DNAH8: variants seen among roughly 807,000 people sequenced by gnomAD.
The protein encoded by DNAH8 is axonemal beta dynein heavy chain 8.
DNAH8 carries 382 observed loss-of-function variants against 562.1 expected under a neutral mutation model. The observed-to-expected ratio is 0.68, with a 90% CI of 0.63 to 0.74. DNAH8 has a LOEUF of 0.74. Ranked by LOEUF, DNAH8 falls within the 30% of genes least tolerant of loss-of-function variation. DNAH8 has a pLI of 0.00. For missense variants in DNAH8, 5,203 were observed against 5,620.4 expected, an observed-to-expected ratio of 0.93 and a Z score of 2.37; for synonymous variants, 1,881 against 1,919.4, an observed-to-expected ratio of 0.98 and a Z score of 0.52.
intron 62 of DNAH8, among the ~76,000 whole-genome samples, chr6:38,901,345 C>T (rs1187134024): frequency 6.6e-6 from 1 of 151,916 alleles, no homozygotes; most frequent in South Asian, 2.1e-4. Context: ...TATAACTGAC[C>T]TAGAATTCAT....
chr6:38,814,583 A>AG (rs1772080514), intron 25 of DNAH8, among the ~76,000 whole-genome samples: 2 of 152,040 alleles, frequency 1.3e-5, no homozygotes, highest in East Asian at 3.9e-4. Flanking sequence ...TCTGTCAAAA[A>AG]AAAAAAAGTT....
chr6:38,937,208 G>C (rs1285033796), intron 77 of DNAH8, among the ~76,000 whole-genome samples: 1 of 128,326 alleles, frequency 7.8e-6, no homozygotes, highest in South Asian at 2.7e-4. Context: ...CTGTCGGTGG[G>C]TAGGGGTCTG....
chr6:38,828,793 T>C (rs2150348415), intron 30 of DNAH8, among the ~76,000 whole-genome samples: 1 of 152,342 alleles, frequency 6.6e-6, no homozygotes, highest in Admixed American at 6.5e-5. Flanking sequence ...TGTTTTTTAG[T>C]ATATTCACAT....
At chr6:38,869,166 C>T (rs144429935) in intron 48 of DNAH8, among the ~76,000 whole-genome samples, 11 of 152,246 alleles carry the variant, frequency 7.2e-5, no homozygotes, top group African/African-American at 2.6e-4. Flanking sequence ...TCAGGTGTAT[C>T]GTCTTATTTG....
chr6:38,729,974 G>GT lies in DNAH8; in HGVS notation c.599dup (p.Pro201ThrfsTer4). On this transcript the variant is annotated frameshift_variant, in exon 4 of 93. Coordinates refer to ENST00000327475, the MANE Select transcript of DNAH8 (RefSeq NM_001206927.2). LOFTEE classifies it high-confidence loss of function. ...GAAATTTTTGTACCAAGAAGGAGAT[G>GT]TACCTGGTATTGGTAAGAATTTTCT... 1 of 1,575,580 alleles carries GT rather than the reference G, an allele frequency of 6.3e-7. No homozygotes were observed. Among genetic ancestry groups the GT allele is most frequent in the East Asian group, 2.2e-5 (1 of 44,598 alleles).
intron 85 of DNAH8, 42 bp downstream of exon 85, chr6:38,974,571 T>C (rs1278084226): frequency 1.9e-6 from 3 of 1,572,058 alleles, no homozygotes; most frequent in Admixed American, 3.5e-5. Flanking sequence ...AGATGGCCAG[T>C]GGTGTGCTGA....
At chr6:38,980,942 A>G (rs1763993009) in intron 85 of DNAH8, among the ~76,000 whole-genome samples, 1 of 150,966 alleles carries the variant, frequency 6.6e-6, no homozygotes, top group African/African-American at 2.4e-5. Context: ...ATTTATTTAG[A>G]TTTTTTTTTA....
chr6:38,893,627 C>A (rs1779486000), intron 58 of DNAH8, among the ~76,000 whole-genome samples: 1 of 152,118 alleles, frequency 6.6e-6, no homozygotes, highest in South Asian at 2.1e-4. Context: ...TGGAACTGAG[C>A]AAAGAGGGAA....
At chr6:38,768,911 T>C (rs1767289295) in intron 11 of DNAH8, among the ~76,000 whole-genome samples, 1 of 152,216 alleles carries the variant, frequency 6.6e-6, no homozygotes, top group Non-Finnish European at 1.5e-5. Flanking sequence ...TTTTTGGGAA[T>C]AGGAGTCAGA....
Position 38,896,598 on chromosome 6 carries a change from C to A in DNAH8, c.8940+373C>A, listed in dbSNP as rs1226508178. 7.7e-5 allele frequency among the ~76,000 whole-genome samples: 11 copies of A among 143,260 alleles called. 1 individual carries two copies. The highest frequency in any genetic ancestry group is 4.8e-4 in the South Asian group (2 of 4,204). 94.0% of individuals were successfully genotyped at this position (143,260 alleles called of 152,430 possible). A position where few individuals can be genotyped will look rare whatever the true frequency, so the allele number is the denominator to read the frequency against. On this transcript the variant is annotated intron_variant, in intron 60 of 92. Transcript: ENST00000327475. ...TCAAAAAAACAAACAAACAAACAAA[C>A]AAACAAACAAAAAAACAAAAAAGAG...
intron 15 of DNAH8, 129 bp from the exon 16 acceptor site, chr6:38,781,125 C>T (rs1207716588): frequency 1.1e-6 from 1 of 899,378 alleles, no homozygotes; most frequent in Admixed American, 2.6e-5. Flanking sequence ...TGTGCATTTA[C>T]ATATTTATTG....
intron 19 of DNAH8, among the ~76,000 whole-genome samples, 170 bp downstream of exon 19, chr6:38,790,053 G>A (rs532653077): frequency 1.7e-4 from 25 of 146,348 alleles, no homozygotes; most frequent in South Asian, 1.5e-3. Context: ...TCTAAGTTTC[G>A]TTGCCTTTGA....
chr6:38,866,528 T>C, intron 45 of DNAH8, 63 bp from the exon 46 acceptor site: 1 of 1,150,190 alleles, frequency 8.7e-7, no homozygotes, highest in Non-Finnish European at 1.2e-6. Flanking sequence ...GTTTGAAATA[T>C]ATTTGTATTC....
At chr6:38,751,985 A>C (rs977345861) in intron 9 of DNAH8, among the ~76,000 whole-genome samples, 4 of 152,228 alleles carry the variant, frequency 2.6e-5, no homozygotes, top group African/African-American at 9.6e-5. Context: ...TTCTCTATGC[A>C]CAATGACCCT....
chr6:38,995,057 C>CTTTTT, intron 88 of DNAH8, among the ~76,000 whole-genome samples: 2 of 108,264 alleles, frequency 1.8e-5, no homozygotes, highest in Admixed American at 1.8e-4. Flanking sequence ...CCCCTCATTG[C>CTTTTT]TCTTTTTTTT....
Position 38,924,010 on chromosome 6 carries a change from C to A in DNAH8, c.10810C>A (p.Leu3604Met), listed in dbSNP as rs1280547354. 1 of 1,613,978 alleles carries A rather than the reference C, an allele frequency of 6.2e-7. No individual in the cohort carries two copies. Among genetic ancestry groups the A allele is most frequent in the Admixed American group, 1.7e-5 (1 of 60,012 alleles). Residue 3604 changes from leucine (L) to methionine (M), a missense_variant, in exon 73 of 93, where the codon CTG becomes ATG. Physicochemically the swap from Leu to Met is conservative, Grantham distance 15. Around this residue, in one of 6 missense-constraint regions of DNAH8, gnomAD observed 1,399 missense variants for 1,518.4 expected, o/e 0.92. Coordinates refer to ENST00000327475, the MANE Select transcript of DNAH8 (RefSeq NM_001206927.2). ...TCACAGACTTGTAGGTGATATTCTGCTGTGCACGGGATTCCTTTCCTACCT... is the reference window on the plus strand; with the variant it reads ...TCACAGACTTGTAGGTGATATTCTGATGTGCACGGGATTCCTTTCCTACCT... ...QINRLVGDILLCTGFLSYLGP... is the reference protein window; with the variant it reads ...QINRLVGDILMCTGFLSYLGP...
intron 82 of DNAH8, among the ~76,000 whole-genome samples, chr6:38,957,166 A>C (rs1762300916): frequency 6.6e-6 from 1 of 152,070 alleles, no homozygotes; most frequent in Non-Finnish European, 1.5e-5. Flanking sequence ...TAGACTATAA[A>C]CCAAATACTG....
chr6:38,917,176 A>G (rs1781367296), intron 68 of DNAH8, 63 bp from the exon 69 acceptor site: 1 of 1,156,914 alleles, frequency 8.6e-7, no homozygotes. Flanking sequence ...AAAGTATTAG[A>G]TTTCCATATA....
intron 87 of DNAH8, among the ~76,000 whole-genome samples, chr6:38,988,264 A>G (rs1295727179): frequency 2.0e-5 from 3 of 152,192 alleles, no homozygotes; most frequent in Non-Finnish European, 4.4e-5. Context: ...TGTAGATTTC[A>G]TATTTCATAT....
Sources: gnomAD v4.1 joint callset for allele counts (sites outside exome capture counted in the v4.1 genomes callset) on GRCh38, gnomAD v4.1.1 for gene constraint, gnomAD v4.1.1 regional missense constraint, MANE v1.5 for transcripts, NCBI Gene and HGNC (gene_info 2026-07-23, HGNC 2026-07-21) for gene names.